Variants in SPTLC2 observed in about 807,000 individuals in gnomAD.
SPTLC2 encodes the protein serine palmitoyltransferase 2.
Under a neutral mutation model 62.0 loss-of-function variants are expected in SPTLC2, and 21 were observed. The observed-to-expected ratio is 0.34, with a 90% CI of 0.24 to 0.49. The LOEUF is 0.49. SPTLC2 is among the 20% of genes least tolerant of loss of function. The probability of loss-of-function intolerance (pLI) is 0.99; values close to 1 mark genes in which losing one functional copy is unlikely to be tolerated. For missense variants in SPTLC2, 511 were observed against 713.0 expected, an observed-to-expected ratio of 0.72 and a Z score of 3.23; for synonymous variants, 261 against 261.8, an observed-to-expected ratio of 1.00 and a Z score of 0.03.
At position 77,559,741 on chromosome 14, in the gene SPTLC2, A is replaced by T. The variant is rs545670447; in HGVS notation, c.851-2595T>A. 5.3e-4 allele frequency among the ~76,000 whole-genome samples: 80 copies of T among 152,172 alleles called. 1 individual carries two copies. Among genetic ancestry groups the T allele is most frequent in the African/African-American group, 1.9e-3 (79 of 41,526 alleles). ...TTTGTCTCTATAAAAAATAAAAAAC[A>T]CTAGTCCGGCATGGTGGTGGATGCC... On this transcript the variant is annotated intron_variant, in intron 6 of 11. Transcript: ENST00000216484.
intron 9 of SPTLC2, 40 bp downstream of exon 9, chr14:77,552,056 A>AGGT (rs1236393378): frequency 1.2e-6 from 2 of 1,611,832 alleles, no homozygotes; most frequent in East Asian, 4.5e-5. Flanking sequence ...TTTGGCTGCT[A>AGGT]GGTGGACTTA....
At chr14:77,605,672 C>T (rs1028699318) in intron 1 of SPTLC2, among the ~76,000 whole-genome samples, 1 of 152,226 alleles carries the variant, frequency 6.6e-6, no homozygotes, top group African/African-American at 2.4e-5. Context: ...ACCAGCAGAA[C>T]TTATGACAGC....
intron 4 of SPTLC2, among the ~76,000 whole-genome samples, chr14:77,573,679 G>A (rs917183374): frequency 3.0e-4 from 46 of 152,122 alleles, no homozygotes; most frequent in African/African-American, 1.1e-3. Flanking sequence ...CCCAGGTGGA[G>A]TGCAGTGGTG....
intron 11 of SPTLC2, among the ~76,000 whole-genome samples, chr14:77,514,215 A>T (rs1268519613): frequency 1.3e-5 from 2 of 152,190 alleles, no homozygotes; most frequent in Non-Finnish European, 2.9e-5. Context: ...CACATGACTA[A>T]GATCACAAAG....
chr14:77,596,460 A>C (rs2079848124), intron 2 of SPTLC2, among the ~76,000 whole-genome samples: 1 of 151,884 alleles, frequency 6.6e-6, no homozygotes, highest in Non-Finnish European at 1.5e-5. Flanking sequence ...CCGAGATCGC[A>C]CCACTGCACT....
intron 9 of SPTLC2, among the ~76,000 whole-genome samples, chr14:77,532,513 G>C (rs556791511): frequency 6.6e-6 from 1 of 152,016 alleles, no homozygotes. Context: ...GGCTGGGCGC[G>C]GTGGCTCACA....
Position 77,604,807 on chromosome 14 carries a change from C to T in SPTLC2, c.133-7427G>A, listed in dbSNP as rs376662046. On this transcript the variant is annotated intron_variant, in intron 1 of 11. Transcript: ENST00000216484. ...GCTTGAACCTGGGAGGCGGAGGTTG[C>T]GGTGAGTCAAGATCCTGCAACCACA... Among the ~76,000 whole-genome samples, 56 of 139,152 alleles carry T rather than the reference C, an allele frequency of 4.0e-4. 4 individuals are homozygous for T. In the East Asian group the frequency reaches 0.01, roughly 25 times the overall value. 91.3% of individuals were successfully genotyped at this position (139,152 alleles called of 152,430 possible). A position where few individuals can be genotyped will look rare whatever the true frequency, so the allele number is the denominator to read the frequency against.
chr14:77,532,808 T>TAA (rs1290676688), intron 9 of SPTLC2, among the ~76,000 whole-genome samples: 7 of 105,544 alleles, frequency 6.6e-5, no homozygotes, highest in Admixed American at 5.8e-4. Context: ...AAAATAAAAA[T>TAA]AAATAAATAA....
At position 77,591,692 on chromosome 14, in the gene SPTLC2, CTGTATGTATGTATGTA is replaced by C. The variant is rs147430744; in HGVS notation, c.327+5478_327+5493del. Among the ~76,000 whole-genome samples, 175 of 130,486 alleles carry C rather than the reference CTGTATGTATGTATGTA, an allele frequency of 1.3e-3. 1 individual carries two copies. Among genetic ancestry groups the C allele is most frequent in the Admixed American group, 2.4e-3 (31 of 12,878 alleles). 85.6% of individuals were successfully genotyped at this position (130,486 alleles called of 152,430 possible). A position where few individuals can be genotyped will look rare whatever the true frequency, so the allele number is the denominator to read the frequency against. ...TCTGGGGGAGCTAAGTAGTGCTCTT[CTGTATGTATGTATGTA>C]TGTATGTATGTATGTATGTATGTAT... On this transcript the variant is annotated intron_variant, in intron 2 of 11. Coordinates refer to ENST00000216484, the MANE Select transcript of SPTLC2 (RefSeq NM_004863.4).
intron 4 of SPTLC2, among the ~76,000 whole-genome samples, chr14:77,573,593 G>T (rs1487067755): frequency 6.6e-6 from 1 of 152,134 alleles, no homozygotes; most frequent in Non-Finnish European, 1.5e-5. Flanking sequence ...TGGACACAGT[G>T]ATAGACATGC....
intron 11 of SPTLC2, among the ~76,000 whole-genome samples, chr14:77,514,792 T>C (rs898521779): frequency 6.6e-6 from 1 of 152,090 alleles, no homozygotes; most frequent in Non-Finnish European, 1.5e-5. Context: ...CAATACTCGT[T>C]GTCTCAATCC....
chr14:77,592,962 G>C (rs1215886617), intron 2 of SPTLC2, among the ~76,000 whole-genome samples: 1 of 152,046 alleles, frequency 6.6e-6, no homozygotes, highest in East Asian at 1.9e-4. Flanking sequence ...AATTAGCTGG[G>C]CGTGGTGGTG....
At chr14:77,587,131 G>A (rs151194462) in intron 2 of SPTLC2, among the ~76,000 whole-genome samples, 4,104 of 152,146 alleles carry the variant, frequency 0.027, 188 homozygotes, top group African/African-American at 0.094. Flanking sequence ...GGGAGGCTGA[G>A]GCAGAAGAAT....
intron 9 of SPTLC2, among the ~76,000 whole-genome samples, chr14:77,534,178 TCA>T (rs199819444): frequency 0.18 from 21,130 of 114,510 alleles, 1,418 homozygotes; most frequent in Admixed American, 0.23. Flanking sequence ...TCTCTCTCTC[TCA>T]CACACACACA....
chr14:77,591,184 C>G (rs1296706675), intron 2 of SPTLC2, among the ~76,000 whole-genome samples: 11 of 152,200 alleles, frequency 7.2e-5, no homozygotes. Flanking sequence ...ACTTCAAATA[C>G]ATTACGCCAA....
intron 5 of SPTLC2, among the ~76,000 whole-genome samples, chr14:77,569,851 T>TTAATTA (rs1566783359): frequency 2.8e-5 from 1 of 35,236 alleles, no homozygotes; most frequent in African/African-American, 6.4e-5. Flanking sequence ...ATATTATATA[T>TTAATTA]ATGTATATAA....
At chr14:77,516,927 T>C (rs1319083915) in intron 11 of SPTLC2, among the ~76,000 whole-genome samples, 2 of 152,266 alleles carry the variant, frequency 1.3e-5, no homozygotes, top group Non-Finnish European at 2.9e-5. Context: ...TTAACTTTTA[T>C]AAAGAAGCAT....
chr14:77,591,651 C>A (rs1433392070), intron 2 of SPTLC2, among the ~76,000 whole-genome samples: 1 of 152,038 alleles, frequency 6.6e-6, no homozygotes, highest in Non-Finnish European at 1.5e-5. Flanking sequence ...ACTTCCACCT[C>A]CCAGGTTCAG....
intron 1 of SPTLC2, among the ~76,000 whole-genome samples, chr14:77,607,916 C>T (rs138975131): frequency 8.5e-4 from 130 of 152,310 alleles, no homozygotes; most frequent in African/African-American, 2.9e-3. Flanking sequence ...TGCAGTACAA[C>T]CAGGATCACA....
Sources: allele counts gnomAD v4.1 joint callset (sites outside exome capture counted in the v4.1 genomes callset), GRCh38; gene constraint gnomAD v4.1.1; transcripts MANE v1.5; gene names NCBI Gene and HGNC (gene_info 2026-07-23, HGNC 2026-07-21).